The following HARS1 variants were observed in gnomAD, a reference collection of about 807,000 sequenced individuals.
HARS1 encodes the protein histidyl-tRNA synthetase 1, also known as histidine--tRNA ligase, cytoplasmic.
HARS1 carries 45 observed loss-of-function variants against 63.6 expected under a neutral mutation model. The ratio of observed to expected loss-of-function variants is 0.71; its 90% CI spans 0.56 to 0.91. The LOEUF (loss-of-function observed/expected upper bound fraction) is 0.91, where lower values mean the gene tolerates loss of function less well. Ranked by LOEUF, HARS1 falls within the 40% of genes least tolerant of loss-of-function variation. HARS1 has a pLI of 0.00. For synonymous variants in HARS1, 205 were observed against 247.1 expected, an observed-to-expected ratio of 0.83 and a Z score of 1.60; for missense variants, 508 against 643.2, an observed-to-expected ratio of 0.79 and a Z score of 2.27.
Position 140,675,032 on chromosome 5 carries a change from C to G in HARS1, c.1296G>C (p.Trp432Cys). Residue 432 changes from tryptophan to cysteine, a missense_variant, in exon 11 of 13, where the codon TGG becomes TGC. Trp to Cys is a radical substitution (Grantham distance 215, BLOSUM62 -2). Around this residue, in one of 2 missense-constraint regions of HARS1, gnomAD observed 403 missense variants for 548.7 expected, o/e 0.73. Coordinates refer to ENST00000504156, the MANE Select transcript of HARS1 (RefSeq NM_002109.6). ...EERLKLVSEL[W>C]DAGIKAELLY... ...CCTCCCATACCTTGATCCCAGCATC[C>G]CACAGTTCTGAGACAAGCTTTAGTC... 6.2e-7 allele frequency: 1 copy of G among 1,610,448 alleles called. No individual in the cohort carries two copies.
intron 8 of HARS1, 21 bp from the exon 9 acceptor site, chr5:140,677,137 G>A (rs894364950): frequency 1.2e-6 from 2 of 1,613,008 alleles, no homozygotes; most frequent in Non-Finnish European, 1.7e-6. Flanking sequence ...AGACTTGTGA[G>A]TGAGGCTGAC....
At chr5:140,675,156 A>T in intron 10 of HARS1, 23 bp from the exon 11 acceptor site, 2 of 1,447,230 alleles carry the variant, frequency 1.4e-6, no homozygotes, top group Non-Finnish European at 1.9e-6. Context: ...CAGATAAAAG[A>T]GAGCTGGGCT....
chr5:140,679,910 C>G lies in HARS1; in HGVS notation c.301-27G>C, dbSNP rs927471715. On this transcript the variant is annotated intron_variant, in intron 3 of 12. Coordinates refer to ENST00000504156, the MANE Select transcript of HARS1 (RefSeq NM_002109.6). This position sits in a 1 kb window ranked among gnomAD's most constrained non-coding sequence, Gnocchi z 4.3. ...TGGAGAAAACATAAATAAATGTGGT[C>G]ATAATAATAAACATAACAATTTAAA... 4 of 1,229,478 alleles carry G rather than the reference C, an allele frequency of 3.3e-6. No individual in the cohort carries two copies. In the Admixed American group the frequency reaches 5.3e-5, roughly 16 times the overall value. The allele number at this position is 1,229,478 out of a possible 1,614,324, so 76.2% of individuals were successfully genotyped here.
At position 140,674,120 on chromosome 5, in the gene HARS1, T is replaced by C. The variant is rs887027479; in HGVS notation, c.*137A>G. On this transcript the variant is annotated 3_prime_UTR_variant, in exon 13 of 13. Coordinates refer to ENST00000504156, the MANE Select transcript of HARS1 (RefSeq NM_002109.6). ...ATCAATAAAATAACCATAATAAAAA[T>C]CAAAGGCTCTGTTCTGACCACTCTT... 1 of 719,226 alleles carries C rather than the reference T, an allele frequency of 1.4e-6. No homozygotes were observed. Among genetic ancestry groups the C allele is most frequent in the Non-Finnish European group, 2.6e-6 (1 of 389,646 alleles). The allele number at this position is 719,226 out of a possible 1,614,324, so 44.6% of individuals were successfully genotyped here. A position where few individuals can be genotyped will look rare whatever the true frequency, so the allele number is the denominator to read the frequency against.
intron 3 of HARS1, among the ~76,000 whole-genome samples, chr5:140,682,236 T>A (rs572801258): frequency 2.5e-4 from 38 of 152,098 alleles, no homozygotes; most frequent in Non-Finnish European, 4.6e-4. Context: ...TTTTTTTTTT[T>A]TAAAAAGGAA....
chr5:140,677,525 G>A, intron 7 of HARS1, 105 bp from the exon 8 acceptor site: 1 of 1,069,228 alleles, frequency 9.4e-7, no homozygotes, highest in African/African-American at 1.5e-5. Context: ...CTGCCCATGA[G>A]CCTACATCCT....
chr5:140,681,712 T>C (rs565623397), intron 3 of HARS1, among the ~76,000 whole-genome samples: 4 of 151,860 alleles, frequency 2.6e-5, no homozygotes, highest in Admixed American at 1.3e-4. Flanking sequence ...CTACAAGCCA[T>C]GGAGAGAGGC....
intron 2 of HARS1, among the ~76,000 whole-genome samples, chr5:140,690,344 C>G (rs969391338): frequency 1.3e-5 from 2 of 152,050 alleles, no homozygotes; most frequent in Non-Finnish European, 2.9e-5. Context: ...CCCAGCTACT[C>G]AGGAGGCTGA....
intron 3 of HARS1, among the ~76,000 whole-genome samples, chr5:140,681,987 T>A (rs1336572557): frequency 2.0e-5 from 3 of 152,162 alleles, no homozygotes; most frequent in Non-Finnish European, 4.4e-5. Context: ...CTAAAGGCAA[T>A]AAACTAGCTC....
chr5:140,677,397 A>G lies in HARS1; in HGVS notation c.753T>C (p.Asn251=), dbSNP rs368073322. 3 of 1,612,268 alleles carry G rather than the reference A, an allele frequency of 1.9e-6. No homozygotes were observed. The African/African-American group carries it at 4.0e-5, about 22-fold the overall frequency. The change falls in exon 8 of 13, where the codon AAT becomes AAC. Residue 251 remains asparagine, a synonymous_variant. Coordinates refer to ENST00000504156, the MANE Select transcript of HARS1 (RefSeq NM_002109.6). ...LDKVSWEEVK[N]EMVGEKGLAP... is the part of the protein sequence containing the mutation. ...CAAGGCCCTTCTCTCCCACCATCTC[A>G]TTCTTCACCTCTTCCCAGGACACCT... is the stretch of plus-strand genomic sequence containing the variant.
rs1288156771 is a variant in HARS1 at position 140,682,107 on chromosome 5, G to A, written c.300+993C>T. 2.6e-5 allele frequency among the ~76,000 whole-genome samples: 4 copies of A among 152,142 alleles called. No homozygotes were observed. In the South Asian group the frequency reaches 8.3e-4, roughly 31 times the overall value. The stretch of plus-strand genomic sequence containing the variant: ...AATTAAAATCTGGCTGGCTGGACGT[G>A]GTGGCTCATGCCTGTAATGTCAGCA... On this transcript the variant is annotated intron_variant, in intron 3 of 12. Transcript: ENST00000504156.
intron 3 of HARS1, among the ~76,000 whole-genome samples, chr5:140,680,840 C>CAA (rs1338621001): frequency 8.7e-6 from 1 of 115,432 alleles, no homozygotes; most frequent in Non-Finnish European, 1.8e-5. Flanking sequence ...AACTCTGTCT[C>CAA]AAAAAAAAAA....
intron 2 of HARS1, 107 bp from the exon 3 acceptor site, chr5:140,683,326 G>C: frequency 8.5e-7 from 1 of 1,171,428 alleles, no homozygotes; most frequent in South Asian, 1.6e-5. Flanking sequence ...AGCAAATCCT[G>C]CTCTAAACAG....
At position 140,691,351 on chromosome 5, in the gene HARS1, GC is replaced by G; in HGVS notation, c.-48del. ...CCTGCTGTCTCGACCTGCGGTGGTT[GC>G]CCCAGCCTCAGCAAGGATGACTTCC... On this transcript the variant is annotated 5_prime_UTR_variant, in exon 1 of 13. Coordinates refer to ENST00000504156, the MANE Select transcript of HARS1 (RefSeq NM_002109.6). 3 of 1,436,186 alleles carry G rather than the reference GC, an allele frequency of 2.1e-6. No individual in the cohort carries two copies. The highest frequency in any genetic ancestry group is 1.9e-6 in the Non-Finnish European group (2 of 1,045,938). The allele number at this position is 1,436,186 out of a possible 1,614,324, so 89.0% of individuals were successfully genotyped here.
At chr5:140,691,030 A>G (rs1434354969) in intron 1 of HARS1, 86 bp from the exon 2 acceptor site, 1 of 972,124 alleles carries the variant, frequency 1.0e-6, no homozygotes, top group African/African-American at 1.6e-5. Context: ...CCCTCATCAC[A>G]TCTCTCTGCT....
intron 2 of HARS1, chr5:140,685,222 T>G (rs532787783): frequency 2.0e-5 from 3 of 151,594 alleles, no homozygotes; most frequent in African/African-American, 7.2e-5. Flanking sequence ...CTCACTTATC[T>G]AGTACCTAGA....
At chr5:140,674,402 AG>A in intron 12 of HARS1, 74 bp from the exon 13 acceptor site, 2 of 1,064,882 alleles carry the variant, frequency 1.9e-6, no homozygotes, top group Admixed American at 3.4e-5. Flanking sequence ...AGTTTCCTCT[AG>A]CCCTCTAGGC....
chr5:140,691,191 T>G (rs962693604), intron 1 of HARS1, 24 bp downstream of exon 1: 2 of 1,549,770 alleles, frequency 1.3e-6, no homozygotes, highest in Admixed American at 3.5e-5. Flanking sequence ...GCCTTGGCCC[T>G]CTCCCCTGCT....
chr5:140,685,142 A>G (rs1758946949), intron 2 of HARS1: 1 of 151,548 alleles, frequency 6.6e-6, no homozygotes, highest in Non-Finnish European at 1.5e-5. Flanking sequence ...TTTCTTAAAG[A>G]TTGGTTGCAA....
Sources: allele counts gnomAD v4.1 joint callset (sites outside exome capture counted in the v4.1 genomes callset), GRCh38; gene constraint gnomAD v4.1.1; regional missense constraint gnomAD v4.1.1; non-coding constraint Gnocchi (gnomAD v3.1); transcripts MANE v1.5; gene names NCBI Gene and HGNC (gene_info 2026-07-23, HGNC 2026-07-21).